Variants in TVP23A observed in about 807,000 individuals in gnomAD.
TVP23A encodes Golgi apparatus membrane protein TVP23 homolog A.
Under a neutral mutation model 31.7 loss-of-function variants are expected in TVP23A, and 21 were observed. The observed-to-expected ratio is 0.66, with a 90% CI of 0.47 to 0.95. The LOEUF is 0.95. TVP23A is among the 40% of genes least tolerant of loss of function. The pLI, the probability that TVP23A is intolerant of heterozygous loss-of-function variation, is 0.00. For synonymous variants in TVP23A, 104 were observed against 96.0 expected, an observed-to-expected ratio of 1.08 and a Z score of -0.49; for missense variants, 279 against 255.6, an observed-to-expected ratio of 1.09 and a Z score of -0.62.
intron 2 of TVP23A, among the ~76,000 whole-genome samples, chr16:10,809,812 T>C (rs2034112275): frequency 6.6e-6 from 1 of 152,050 alleles, no homozygotes; most frequent in Non-Finnish European, 1.5e-5. Context: ...CAACACTCAC[T>C]CACAGCTGGT....
intron 4 of TVP23A, 80 bp from the exon 5 acceptor site, chr16:10,773,521 A>C (rs780163599): frequency 3.4e-6 from 5 of 1,458,918 alleles, no homozygotes; most frequent in Non-Finnish European, 4.6e-6. Flanking sequence ...CATTTATTTT[A>C]TTTTGCAGAT....
At chr16:10,762,808 C>T (rs895201650), downstream of TVP23A, among the ~76,000 whole-genome samples, 12 of 150,132 alleles carry the variant, frequency 8.0e-5, no homozygotes, top group Admixed American at 1.3e-4. Context: ...GGGTGGGGGC[C>T]GCGTGCTTGG....
chr16:10,783,751 C>T lies in TVP23A; in HGVS notation c.90-8655G>A, dbSNP rs146859455. Among the ~76,000 whole-genome samples, 102 of 152,176 alleles carry T rather than the reference C, an allele frequency of 6.7e-4. 5 individuals carry two copies. The South Asian group carries it at 0.02, about 30-fold the overall frequency. On this transcript the variant is annotated intron_variant, in intron 2 of 7. Coordinates refer to ENST00000299866, the MANE Select transcript of TVP23A (RefSeq NM_001079512.4). ...ATCCAGACAACAGAATGTTATTCAG[C>T]GCTAAAAAGAAATGAGCTATCAGAC...
At chr16:10,816,825 T>C (rs528743922) in intron 2 of TVP23A, among the ~76,000 whole-genome samples, 64 of 152,072 alleles carry the variant, frequency 4.2e-4, no homozygotes, top group African/African-American at 1.4e-3. Flanking sequence ...TATACATATG[T>C]AACGAACCTT....
chr16:10,783,630 C>T (rs2032559245), intron 2 of TVP23A, among the ~76,000 whole-genome samples: 1 of 152,096 alleles, frequency 6.6e-6, no homozygotes. Flanking sequence ...GAGCCAAGAT[C>T]GCACCACTGC....
At position 10,818,540 on chromosome 16, in the gene TVP23A, C is replaced by T. The variant is rs991398789; in HGVS notation, c.-47G>A. On this transcript the variant is annotated 5_prime_UTR_variant, in exon 1 of 8. Transcript: ENST00000299866. This position sits in a 1 kb window ranked among gnomAD's most constrained non-coding sequence, Gnocchi z 4.7. ...GGCGCCCAGGCCCGGGGCTCCAGCT[C>T]CGCCCGTCGCCGCTGAAGGGGTCGG... 5 of 1,587,884 alleles carry T rather than the reference C, an allele frequency of 3.1e-6. No individual in the cohort carries two copies. The African/African-American group carries it at 4.0e-5, about 13-fold the overall frequency.
At chr16:10,812,076 A>C (rs1477032782) in intron 2 of TVP23A, among the ~76,000 whole-genome samples, 1 of 152,126 alleles carries the variant, frequency 6.6e-6, no homozygotes, top group Non-Finnish European at 1.5e-5. Context: ...TAACTGATTA[A>C]AAAAAACGGG....
At chr16:10,815,215 G>C (rs895910820) in intron 2 of TVP23A, among the ~76,000 whole-genome samples, 3 of 152,070 alleles carry the variant, frequency 2.0e-5, no homozygotes, top group African/African-American at 7.2e-5. Flanking sequence ...GGCCAACATG[G>C]CGAAACTCCA....
At chr16:10,799,038 A>T (rs970109484) in intron 2 of TVP23A, among the ~76,000 whole-genome samples, 1 of 152,166 alleles carries the variant, frequency 6.6e-6, no homozygotes, top group African/African-American at 2.4e-5. Context: ...GAGCAGCCCT[A>T]TGTTGAGAGG....
At chr16:10,795,974 AAT>A (rs1426629079) in intron 2 of TVP23A, among the ~76,000 whole-genome samples, 1 of 152,162 alleles carries the variant, frequency 6.6e-6, no homozygotes, top group African/African-American at 2.4e-5. Flanking sequence ...AACCAAGGAA[AAT>A]ATTAAAGGAT....
In TVP23A at chr16:10,767,218, CTG is replaced by C. The variant is rs1179019267; in HGVS notation, c.*1882_*1883del. 1 of 399,680 alleles carries C rather than the reference CTG, an allele frequency of 2.5e-6. No individual in the cohort carries two copies. The highest frequency in any genetic ancestry group is 4.4e-6 in the Non-Finnish European group (1 of 227,064). 24.8% of individuals were successfully genotyped at this position (399,680 alleles called of 1,614,324 possible). A position where few individuals can be genotyped will look rare whatever the true frequency, so the allele number is the denominator to read the frequency against. On this transcript the variant is annotated 3_prime_UTR_variant, in exon 8 of 8. Transcript: ENST00000299866. The surrounding 1 kb of genome is among the most constrained non-coding windows in gnomAD (Gnocchi z 4.6). ...CACGACTGGGGGCTGGCAGGGCAGA[CTG>C]GAGGCGAGAACACCCCCATTGACCC... is the stretch of plus-strand genomic sequence containing the variant.
chr16:10,767,342 C>A lies in TVP23A; in HGVS notation c.*1760G>T. On this transcript the variant is annotated 3_prime_UTR_variant, in exon 8 of 8. Transcript: ENST00000299866. This position sits in a 1 kb window ranked among gnomAD's most constrained non-coding sequence, Gnocchi z 4.6. Reference sequence around the variant, plus strand: ...GGGGACTGGAACAATGGCCACATGGCGGGGAAAGACTAGCAGACTGATAGA... The same window carrying A: ...GGGGACTGGAACAATGGCCACATGGAGGGGAAAGACTAGCAGACTGATAGA... 3 of 399,392 alleles carry A rather than the reference C, an allele frequency of 7.5e-6. No homozygotes were observed. Among genetic ancestry groups the A allele is most frequent in the Non-Finnish European group, 1.3e-5 (3 of 226,728 alleles). 24.7% of individuals were successfully genotyped at this position (399,392 alleles called of 1,614,324 possible). A position where few individuals can be genotyped will look rare whatever the true frequency, so the allele number is the denominator to read the frequency against.
At chr16:10,774,723 G>A (rs1215076861) in intron 3 of TVP23A, among the ~76,000 whole-genome samples, 1 of 150,516 alleles carries the variant, frequency 6.6e-6, no homozygotes, top group Admixed American at 6.7e-5. Context: ...TGATTCTTCT[G>A]CCTCAGCCTC....
chr16:10,762,653 G>C (rs1037134524), downstream of TVP23A, among the ~76,000 whole-genome samples: 4 of 152,226 alleles, frequency 2.6e-5, no homozygotes, highest in Non-Finnish European at 5.9e-5. Context: ...GAAGGCTGGA[G>C]GGGAGGCCGG....
At chr16:10,804,882 C>T (rs1567312106) in intron 2 of TVP23A, among the ~76,000 whole-genome samples, 1 of 152,020 alleles carries the variant, frequency 6.6e-6, no homozygotes. Context: ...TACTGTTGTC[C>T]CAAACATTTC....
intron 2 of TVP23A, among the ~76,000 whole-genome samples, chr16:10,813,551 A>T (rs996201654): frequency 6.6e-6 from 1 of 152,226 alleles, no homozygotes; most frequent in African/African-American, 2.4e-5. Flanking sequence ...TGAGATCAGC[A>T]TGGACAACAT....
exon 9 of TVP23A, chr16:10,761,231 A>C: frequency 2.7e-6 from 2 of 740,130 alleles, no homozygotes; most frequent in Non-Finnish European, 4.4e-6. Flanking sequence ...CACAGAGCCA[A>C]ACCCTATCAG....
intron 4 of TVP23A, 60 bp from the exon 5 acceptor site, chr16:10,773,501 C>G: frequency 6.6e-7 from 1 of 1,517,256 alleles, no homozygotes; most frequent in South Asian, 1.3e-5. Context: ...AACGAGCGTG[C>G]TCACATTTTC....
intron 2 of TVP23A, among the ~76,000 whole-genome samples, chr16:10,791,118 C>G (rs1025459896): frequency 6.6e-6 from 1 of 152,114 alleles, no homozygotes; most frequent in Admixed American, 6.5e-5. Flanking sequence ...TCAGAGAGAG[C>G]CCTCCAGCAG....
Sources: allele counts gnomAD v4.1 joint callset (sites outside exome capture counted in the v4.1 genomes callset), GRCh38; gene constraint gnomAD v4.1.1; non-coding constraint Gnocchi (gnomAD v3.1); transcripts MANE v1.5; gene names NCBI Gene and HGNC (gene_info 2026-07-23, HGNC 2026-07-21).